The following MAP2K5 variants were observed in gnomAD, a reference collection of about 807,000 sequenced individuals.
MAP2K5 encodes mitogen-activated protein kinase kinase 5.
A neutral mutation model predicts 83.1 loss-of-function variants in MAP2K5; 49 were observed. That is an observed-to-expected ratio of 0.59 (90% CI 0.47 to 0.75). MAP2K5 has a LOEUF of 0.75. MAP2K5 is among the 30% of genes least tolerant of loss of function. The pLI, the probability that MAP2K5 is intolerant of heterozygous loss-of-function variation, is 0.00. For missense variants in MAP2K5, 457 were observed against 557.5 expected, an observed-to-expected ratio of 0.82 and a Z score of 1.82; for synonymous variants, 202 against 191.8, an observed-to-expected ratio of 1.05 and a Z score of -0.44.
chr15:67,573,071 C>T lies in MAP2K5; in HGVS notation c.253-7683C>T, dbSNP rs2589981. Among the ~76,000 whole-genome samples, 151,859 of 152,270 alleles carry T rather than the reference C, an allele frequency of 1. 75,728 individuals carry two copies. Among genetic ancestry groups the T allele is most frequent in the Non-Finnish European group, 1 (68,030 of 68,030 alleles). ...ATTAGGGTATCAGGACATTCCTGAA[C>T]CTGGGTATGTTTAGTAAACGTTATC... On this transcript the variant is annotated intron_variant, in intron 3 of 21. Transcript: ENST00000178640. This position sits in a 1 kb window ranked among gnomAD's most constrained non-coding sequence, Gnocchi z 4.2.
At chr15:67,580,844 A>G (rs770227796) in intron 4 of MAP2K5, 21 bp downstream of exon 4, 4 of 1,461,490 alleles carry the variant, frequency 2.7e-6, no homozygotes, top group South Asian at 1.1e-5. Flanking sequence ...GCAAATTCTA[A>G]TCAACAATGA....
rs2086788444 is a variant in MAP2K5, at chr15:67,644,545, T to C, written c.586-1686T>C. On this transcript the variant is annotated intron_variant, in intron 9 of 21. Coordinates refer to ENST00000178640, the MANE Select transcript of MAP2K5 (RefSeq NM_145160.3). This position sits in a 1 kb window ranked among gnomAD's most constrained non-coding sequence, Gnocchi z 4.6. The stretch of plus-strand genomic sequence containing the variant: ...TCTAGATAAGTTTATAAATATTTTA[T>C]ATTTATGGGTTATAAATCACTGTGG... Among the ~76,000 whole-genome samples the C allele has an allele frequency of 6.6e-6, 1 of 152,184 alleles. No homozygotes were observed. Among genetic ancestry groups the C allele is most frequent in the African/African-American group, 2.4e-5 (1 of 41,440 alleles).
chr15:67,604,635 G>A (rs901266093), intron 8 of MAP2K5, among the ~76,000 whole-genome samples: 6 of 152,056 alleles, frequency 3.9e-5, no homozygotes. Flanking sequence ...GGTGGCTCAC[G>A]TCTGTAATCC....
intron 3 of MAP2K5, among the ~76,000 whole-genome samples, chr15:67,575,912 CTTTCTTTT>C (rs1363107301): frequency 1.9e-4 from 2 of 10,504 alleles, no homozygotes; most frequent in African/African-American, 4.1e-4. Context: ...TTCTTTCTTT[CTTTCTTTT>C]TTTTTTTTTT....
At chr15:67,674,824 A>G (rs1371900314) in intron 13 of MAP2K5, among the ~76,000 whole-genome samples, 1 of 152,234 alleles carries the variant, frequency 6.6e-6, no homozygotes, top group Non-Finnish European at 1.5e-5. Context: ...AAGAGTATAC[A>G]CAGATGGCAA....
intron 7 of MAP2K5, among the ~76,000 whole-genome samples, chr15:67,593,726 T>G (rs184346487): frequency 1.3e-5 from 2 of 152,392 alleles, no homozygotes; most frequent in East Asian, 3.9e-4. Flanking sequence ...TTAGGCTGTA[T>G]TGACTGAGAC....
rs1567284862 is a variant in MAP2K5 at position 67,577,584 on chromosome 15, GTTTTT to G, written c.253-3167_253-3163del. Reference sequence around the variant, plus strand: ...TTTGGTCGTTGCTGTTTGTTTCTTTGTTTTTTTCTTTTCTTTTGGTTTTGGTCATT... The same window carrying G: ...TTTGGTCGTTGCTGTTTGTTTCTTTGTTCTTTTCTTTTGGTTTTGGTCATT... On this transcript the variant is annotated intron_variant, in intron 3 of 21. Transcript: ENST00000178640. This position sits in a 1 kb window ranked among gnomAD's most constrained non-coding sequence, Gnocchi z 4.1. Among the ~76,000 whole-genome samples the G allele has an allele frequency of 6.6e-6, 1 of 151,860 alleles. No individual in the cohort carries two copies. Among genetic ancestry groups the G allele is most frequent in the Non-Finnish European group, 1.5e-5 (1 of 67,934 alleles).
rs1445583658 is a variant in MAP2K5, at chr15:67,637,375, TAGAC to T, written c.585+6451_585+6454del. Among the ~76,000 whole-genome samples, 1 of 152,200 alleles carries T rather than the reference TAGAC, an allele frequency of 6.6e-6. No individual in the cohort carries two copies. Among genetic ancestry groups the T allele is most frequent in the Non-Finnish European group, 1.5e-5 (1 of 68,026 alleles). On this transcript the variant is annotated intron_variant, in intron 9 of 21. Transcript: ENST00000178640. The surrounding 1 kb of genome is among the most constrained non-coding windows in gnomAD (Gnocchi z 4.5). ...TTCAAGGCTTGCTTTTAAGTTTTAT[TAGAC>T]AGTACCAGCCCAGTGGTTAGTCTAG... is the stretch of plus-strand genomic sequence containing the variant.
chr15:67,621,604 A>G (rs985177118), intron 8 of MAP2K5, among the ~76,000 whole-genome samples: 3 of 152,204 alleles, frequency 2.0e-5, no homozygotes, highest in Non-Finnish European at 4.4e-5. Context: ...CAGTGATTTT[A>G]AAAATAATAG....
chr15:67,732,401 T>C (rs1396294496), intron 17 of MAP2K5, among the ~76,000 whole-genome samples: 3 of 152,210 alleles, frequency 2.0e-5, no homozygotes, highest in South Asian at 2.1e-4. Context: ...AGCTCTGGCA[T>C]TGGGAAATTT....
intron 4 of MAP2K5, among the ~76,000 whole-genome samples, chr15:67,585,380 A>C (rs937487987): frequency 6.6e-6 from 1 of 152,212 alleles, no homozygotes; most frequent in Non-Finnish European, 1.5e-5. Context: ...AATTAGTTAT[A>C]TATCTGTATT....
chr15:67,628,564 G>A (rs769525212), intron 8 of MAP2K5: 16 of 1,149,708 alleles, frequency 1.4e-5, no homozygotes, highest in Non-Finnish European at 1.9e-5. Context: ...AAAAATTGAA[G>A]TGATTGAAAT....
rs1006984416 is a variant in MAP2K5, at chr15:67,702,707, GT to G, written c.973-629del. On this transcript the variant is annotated intron_variant, in intron 15 of 21. Transcript: ENST00000178640. This position sits in a 1 kb window ranked among gnomAD's most constrained non-coding sequence, Gnocchi z 4.6. The stretch of plus-strand genomic sequence containing the variant: ...ATACATCTTGAGTGGAGGACCAAGA[GT>G]CCCAAATGGACCTTTCAGACTGTTC... 6.6e-6 allele frequency among the ~76,000 whole-genome samples: 1 copy of G among 152,158 alleles called. No homozygotes were observed. Among genetic ancestry groups the G allele is most frequent in the African/African-American group, 2.4e-5 (1 of 41,446 alleles).
In MAP2K5 at chr15:67,758,290, A is replaced by C. The variant is rs1566954500; in HGVS notation, c.1134+9689A>C. Among the ~76,000 whole-genome samples, 1 of 152,118 alleles carries C rather than the reference A, an allele frequency of 6.6e-6. No homozygotes were observed. The highest frequency in any genetic ancestry group is 2.4e-5 in the African/African-American group (1 of 41,406). On this transcript the variant is annotated intron_variant, in intron 19 of 21. Coordinates refer to ENST00000178640, the MANE Select transcript of MAP2K5 (RefSeq NM_145160.3). This position sits in a 1 kb window ranked among gnomAD's most constrained non-coding sequence, Gnocchi z 4.7. ...AACTGCATTTGGTAAATAACTAGAT[A>C]TAAGGGAGGGTAGGGAGGTAGGGTC...
intron 15 of MAP2K5, among the ~76,000 whole-genome samples, chr15:67,701,763 G>C (rs1385187415): frequency 6.6e-6 from 1 of 152,174 alleles, no homozygotes; most frequent in Admixed American, 6.5e-5. Context: ...TTAACAGTGA[G>C]CACCTCAGGC....
In MAP2K5 at chr15:67,637,804, C is replaced by CT. The variant is rs1318028347; in HGVS notation, c.585+6878dup. Among the ~76,000 whole-genome samples the CT allele has an allele frequency of 1.3e-5, 2 of 152,068 alleles. No individual in the cohort carries two copies. Among genetic ancestry groups the CT allele is most frequent in the African/African-American group, 2.4e-5 (1 of 41,392 alleles). ...CTCCCTGCACTGAGGCCTGGGAACT[C>CT]TCTGGTCAGCAAGCTGGGCAATCAT... On this transcript the variant is annotated intron_variant, in intron 9 of 21. Coordinates refer to ENST00000178640, the MANE Select transcript of MAP2K5 (RefSeq NM_145160.3). The surrounding 1 kb of genome is among the most constrained non-coding windows in gnomAD (Gnocchi z 4.5).
chr15:67,556,554 CTTT>C (rs10719227), intron 2 of MAP2K5, among the ~76,000 whole-genome samples: 20 of 117,600 alleles, frequency 1.7e-4, no homozygotes, highest in Admixed American at 3.4e-4. Context: ...TCTTTTCTTT[CTTT>C]TTTTTTTTTT....
Position 67,748,742 on chromosome 15 carries a change from A to C in MAP2K5, c.1134+141A>C. 3 of 695,662 alleles carry C rather than the reference A, an allele frequency of 4.3e-6. No individual in the cohort carries two copies. Among genetic ancestry groups the C allele is most frequent in the Non-Finnish European group, 7.2e-6 (3 of 416,750 alleles). 43.1% of individuals were successfully genotyped at this position (695,662 alleles called of 1,614,324 possible). On this transcript the variant is annotated intron_variant, in intron 19 of 21. Coordinates refer to ENST00000178640, the MANE Select transcript of MAP2K5 (RefSeq NM_145160.3). The surrounding 1 kb of genome is among the most constrained non-coding windows in gnomAD (Gnocchi z 4.0). The stretch of plus-strand genomic sequence containing the variant: ...GTATGGCTCTGAGCTATGTTACGTG[A>C]ACTGGCCTTGTCCTGAATCCCACTC...
chr15:67,620,285 C>T (rs1468215856), intron 8 of MAP2K5, among the ~76,000 whole-genome samples: 3 of 152,106 alleles, frequency 2.0e-5, no homozygotes, highest in African/African-American at 4.8e-5. Flanking sequence ...GCAGGAGAAT[C>T]GCTTGAACCT....
Sources: allele counts gnomAD v4.1 joint callset (sites outside exome capture counted in the v4.1 genomes callset), GRCh38; gene constraint gnomAD v4.1.1; non-coding constraint Gnocchi (gnomAD v3.1); transcripts MANE v1.5; gene names NCBI Gene and HGNC (gene_info 2026-07-23, HGNC 2026-07-21).